Variants in ARHGEF1 observed in about 807,000 individuals in gnomAD.
ARHGEF1 encodes 115 kDa guanine nucleotide exchange factor.
ARHGEF1 carries 40 observed loss-of-function variants against 119.7 expected under a neutral mutation model. The ratio of observed to expected loss-of-function variants is 0.33; its 90% CI spans 0.26 to 0.44. ARHGEF1 has a LOEUF of 0.44. ARHGEF1 is among the 20% of genes least tolerant of loss of function. The pLI is 1.00. For missense variants in ARHGEF1, 976 were observed against 1,268.3 expected, an observed-to-expected ratio of 0.77 and a Z score of 3.50; for synonymous variants, 494 against 521.0, an observed-to-expected ratio of 0.95 and a Z score of 0.71.
downstream of ARHGEF1, chr19:41,909,052 G>A: frequency 8.1e-7 from 1 of 1,227,502 alleles, no homozygotes; most frequent in Non-Finnish European, 1.0e-6. This position sits in a 1 kb window ranked among gnomAD's most constrained non-coding sequence, Gnocchi z 5.2. Flanking sequence ...GAACCTCCAG[G>A]CTCTTACCAG....
chr19:41,914,573 C>CTGT (rs1568831570), intron 18 of ARHGEF1, among the ~76,000 whole-genome samples: 5 of 27,670 alleles, frequency 1.8e-4, no homozygotes, highest in Admixed American at 5.0e-4. Context: ...ATCTCTGTCT[C>CTGT]CGTCTCTCCC....
chr19:41,926,717 G>C (rs369473027), intron 1 of ARHGEF1, among the ~76,000 whole-genome samples: 119 of 152,260 alleles, frequency 7.8e-4, no homozygotes, highest in East Asian at 9.7e-4. Context: ...CGGCCGGGAG[G>C]GGGGAGCGGG....
chr19:41,886,168 G>C (rs1393019009), intron 1 of ARHGEF1, among the ~76,000 whole-genome samples: 2 of 152,116 alleles, frequency 1.3e-5, no homozygotes, highest in African/African-American at 2.4e-5. Context: ...GAATAATAAT[G>C]ATCTCTTGGA....
downstream of ARHGEF1, chr19:41,908,453 C>G (rs899082762): frequency 3.2e-6 from 4 of 1,231,216 alleles, no homozygotes; most frequent in African/African-American, 3.1e-5. This position sits in a 1 kb window ranked among gnomAD's most constrained non-coding sequence, Gnocchi z 6.7. Context: ...CCTCCCCTGT[C>G]GAGGCCAGCA....
upstream of ARHGEF1, among the ~76,000 whole-genome samples, chr19:41,919,670 A>C (rs1199210460): frequency 6.6e-6 from 1 of 152,030 alleles, no homozygotes; most frequent in Non-Finnish European, 1.5e-5. Context: ...GCTCTTCCTC[A>C]GCTGCGTCCT....
rs2074657281 is a variant in ARHGEF1 at position 41,904,463 on chromosome 19, C to G, written c.2161+80C>G. The stretch of plus-strand genomic sequence containing the variant: ...TGCCTGTGGAGTGGGGAGCAGAACC[C>G]TCTAGAGAGCCAGGGAGCCAGCATT... On this transcript the variant is annotated intron_variant, in intron 22 of 28. Coordinates refer to ENST00000354532, the MANE Select transcript of ARHGEF1 (RefSeq NM_004706.4). This position sits in a 1 kb window ranked among gnomAD's most constrained non-coding sequence, Gnocchi z 8.4. The G allele has an allele frequency of 7.0e-7, 1 of 1,426,060 alleles. No homozygotes were observed. The highest frequency in any genetic ancestry group is 1.4e-5 in the African/African-American group (1 of 70,080). 88.3% of individuals were successfully genotyped at this position (1,426,060 alleles called of 1,614,324 possible). A position where few individuals can be genotyped will look rare whatever the true frequency, so the allele number is the denominator to read the frequency against.
downstream of ARHGEF1, chr19:41,909,226 A>C: frequency 8.1e-7 from 1 of 1,231,002 alleles, no homozygotes. This position sits in a 1 kb window ranked among gnomAD's most constrained non-coding sequence, Gnocchi z 5.2. Flanking sequence ...TCCCCTCCCC[A>C]GAGTGGGCAC....
Position 41,904,191 on chromosome 19 carries a change from C to A in ARHGEF1, c.1994-25C>A. On this transcript the variant is annotated intron_variant, in intron 21 of 28. Transcript: ENST00000354532. This position sits in a 1 kb window ranked among gnomAD's most constrained non-coding sequence, Gnocchi z 8.4. The stretch of plus-strand genomic sequence containing the variant: ...GGGAGGGGGTCGCGCGGGGGCACGC[C>A]GTGTGAGCACTGCTCGCCCCGTAGA... 6.2e-7 allele frequency: 1 copy of A among 1,612,522 alleles called. No individual in the cohort carries two copies. The highest frequency in any genetic ancestry group is 8.5e-7 in the Non-Finnish European group (1 of 1,178,864).
chr19:41,926,699 GCGGCGGC>G lies in ARHGEF1; in HGVS notation c.141-2127_141-2121del, dbSNP rs1361337302. Among the ~76,000 whole-genome samples, 722 of 152,212 alleles carry G rather than the reference GCGGCGGC, an allele frequency of 4.7e-3. 3 individuals carry two copies. Among genetic ancestry groups the G allele is most frequent in the Non-Finnish European group, 6.7e-3 (454 of 67,950 alleles). The stretch of plus-strand genomic sequence containing the variant: ...TGGCGATGCGGAGCGCGTCTGGGCC[GCGGCGGC>G]CGGCCGGGAGGGGGGAGCGGGCGGG... On this transcript the variant is annotated intron_variant, in intron 1 of 2. Transcript: ENST00000594417.
At position 41,903,674 on chromosome 19, in the gene ARHGEF1, C is replaced by A; in HGVS notation, c.1840-33C>A. ...ACTGCAGGTCAGCCCCAGCACTTAG[C>A]TTGTCCCCATAATGCTCCCGTCTCT... On this transcript the variant is annotated intron_variant, in intron 19 of 28. Transcript: ENST00000354532. The surrounding 1 kb of genome is among the most constrained non-coding windows in gnomAD (Gnocchi z 4.2). 2 of 1,607,348 alleles carry A rather than the reference C, an allele frequency of 1.2e-6. No homozygotes were observed. The highest frequency in any genetic ancestry group is 2.2e-5 in the East Asian group (1 of 44,856).
chr19:41,908,350 C>G (rs1464308756), downstream of ARHGEF1: 1 of 1,231,342 alleles, frequency 8.1e-7, no homozygotes, highest in Non-Finnish European at 1.0e-6. The surrounding 1 kb of genome is among the most constrained non-coding windows in gnomAD (Gnocchi z 6.7). Flanking sequence ...TCGCTGTCCT[C>G]CTTCCCACCA....
At position 41,894,325 on chromosome 19, in the gene ARHGEF1, C is replaced by T. The variant is rs782446869; in HGVS notation, c.744+19C>T. 21 of 1,524,676 alleles carry T rather than the reference C, an allele frequency of 1.4e-5. No homozygotes were observed. In the East Asian group the frequency reaches 2.5e-4, roughly 18 times the overall value. The allele number at this position is 1,524,676 out of a possible 1,614,324, so 94.4% of individuals were successfully genotyped here. On this transcript the variant is annotated intron_variant, in intron 9 of 28. Transcript: ENST00000354532. ...GAAAAAGGTGCTTCCCTCAGTGCCC[C>T]GTCCTGACCCTTTCCTCTCCAGAGA...
downstream of ARHGEF1, chr19:41,909,789 G>GATGC: frequency 3.5e-6 from 5 of 1,444,874 alleles, no homozygotes; most frequent in Non-Finnish European, 4.6e-6. This position sits in a 1 kb window ranked among gnomAD's most constrained non-coding sequence, Gnocchi z 5.2. Context: ...CCTGCCCCAG[G>GATGC]ATGCAGAGGG....
intron 12 of ARHGEF1, among the ~76,000 whole-genome samples, chr19:41,896,054 A>G (rs2074479788): frequency 6.6e-6 from 1 of 152,226 alleles, no homozygotes; most frequent in Non-Finnish European, 1.5e-5. Context: ...GAGGCAGCAC[A>G]GAATCCAGGG....
chr19:41,899,355 C>A (rs1181413798), intron 14 of ARHGEF1, among the ~76,000 whole-genome samples: 9 of 152,072 alleles, frequency 5.9e-5, no homozygotes, highest in Admixed American at 5.9e-4. Context: ...GAGAAAAGAT[C>A]CCCACAGGGG....
Position 41,906,955 on chromosome 19 carries a change from T to G in ARHGEF1, c.*18-150T>G. 5 of 964,022 alleles carry G rather than the reference T, an allele frequency of 5.2e-6. No individual in the cohort carries two copies. The highest frequency in any genetic ancestry group is 7.5e-6 in the Non-Finnish European group (5 of 669,416). The allele number at this position is 964,022 out of a possible 1,614,324, so 59.7% of individuals were successfully genotyped here. ...GTGTTTCTCATCTCTGTGTCTCTGT[T>G]TCTGATAATCTGTTTCTCTGTCTCT... On this transcript the variant is annotated intron_variant, in intron 28 of 28. Coordinates refer to ENST00000354532, the MANE Select transcript of ARHGEF1 (RefSeq NM_004706.4). The surrounding 1 kb of genome is among the most constrained non-coding windows in gnomAD (Gnocchi z 4.5).
In ARHGEF1 at chr19:41,917,718, A is replaced by C. The variant is rs1659309137; in HGVS notation, c.1866-5374A>C. Reference sequence around the variant, plus strand: ...ACGTTCAGGCACAATCTGGGGACATATCTCTCCTTACGCCACACGCCCATG... The same window carrying C: ...ACGTTCAGGCACAATCTGGGGACATCTCTCTCCTTACGCCACACGCCCATG... On this transcript the variant is annotated intron_variant, in intron 18 of 20. Coordinates refer to the ARHGEF1 transcript ENST00000599589. This position sits in a 1 kb window ranked among gnomAD's most constrained non-coding sequence, Gnocchi z 4.8. 6.6e-6 allele frequency among the ~76,000 whole-genome samples: 1 copy of C among 151,538 alleles called. No homozygotes were observed. Among genetic ancestry groups the C allele is most frequent in the Non-Finnish European group, 1.5e-5 (1 of 67,868 alleles).
chr19:41,908,948 T>C, downstream of ARHGEF1: 1 of 631,402 alleles, frequency 1.6e-6, no homozygotes, highest in Non-Finnish European at 2.3e-6. This position sits in a 1 kb window ranked among gnomAD's most constrained non-coding sequence, Gnocchi z 6.7. Context: ...CCCTACAACC[T>C]GGCCCTGGGC....
exon 3 of ARHGEF1, chr19:41,929,668 C>G (rs916696523): frequency 4.6e-5 from 7 of 153,278 alleles, no homozygotes; most frequent in African/African-American, 1.4e-4. Flanking sequence ...AGGCTCCGCC[C>G]CGCCAAGTCC....
Sources: allele counts gnomAD v4.1 joint callset (sites outside exome capture counted in the v4.1 genomes callset), GRCh38; gene constraint gnomAD v4.1.1; non-coding constraint Gnocchi (gnomAD v3.1); transcripts MANE v1.5; gene names NCBI Gene and HGNC (gene_info 2026-07-23, HGNC 2026-07-21).